UNC13C: variants seen among roughly 807,000 people sequenced by gnomAD.
UNC13C encodes unc-13 homolog C.
A neutral mutation model predicts 245.4 loss-of-function variants in UNC13C; 174 were observed. The ratio of observed to expected loss-of-function variants is 0.71; its 90% CI spans 0.63 to 0.80. The LOEUF (loss-of-function observed/expected upper bound fraction) is 0.80, where lower values mean the gene tolerates loss of function less well. Ranked by LOEUF, UNC13C falls within the 30% of genes least tolerant of loss-of-function variation. The pLI is 0.00. For synonymous variants in UNC13C, 992 were observed against 895.1 expected (o/e 1.11, Z -1.93); for missense variants, 2,829 against 2,602.9 (o/e 1.09, Z -1.89).
chr15:54,322,988 T>C (rs943331690), intron 14 of UNC13C, among the ~76,000 whole-genome samples: 2 of 141,606 alleles, frequency 1.4e-5, no homozygotes, highest in Non-Finnish European at 3.1e-5. Context: ...AGTAATCCTG[T>C]GAGACAGGTT....
chr15:54,126,599 A>G (rs2031057613), intron 2 of UNC13C, among the ~76,000 whole-genome samples: 1 of 152,200 alleles, frequency 6.6e-6, no homozygotes, highest in African/African-American at 2.4e-5. Flanking sequence ...CTAAAACCAT[A>G]AAAATCCTAG....
chr15:54,432,367 C>G (rs183447281), intron 19 of UNC13C, among the ~76,000 whole-genome samples: 2 of 151,600 alleles, frequency 1.3e-5, no homozygotes, highest in Admixed American at 1.3e-4. Flanking sequence ...ATTTTTGTGC[C>G]AAGATTTCAC....
At chr15:54,308,017 A>G (rs1414956900) in intron 13 of UNC13C, among the ~76,000 whole-genome samples, 1 of 151,936 alleles carries the variant, frequency 6.6e-6, no homozygotes, top group Non-Finnish European at 1.5e-5. Context: ...TTTGCATAGT[A>G]TCTCTGAAAT....
At chr15:54,032,292 C>T (rs1400989841) in intron 2 of UNC13C, among the ~76,000 whole-genome samples, 2 of 152,136 alleles carry the variant, frequency 1.3e-5, no homozygotes, top group Non-Finnish European at 2.9e-5. Flanking sequence ...ATTTTCATGT[C>T]AAGGTACGTC....
At chr15:54,501,167 A>G (rs765201011) in intron 22 of UNC13C, among the ~76,000 whole-genome samples, 189 bp downstream of exon 22, 1 of 152,118 alleles carries the variant, frequency 6.6e-6, no homozygotes, top group Non-Finnish European at 1.5e-5. Flanking sequence ...ATATGGATTT[A>G]TCATCTTAAA....
chr15:54,540,967 T>C (rs1227156450), intron 26 of UNC13C, among the ~76,000 whole-genome samples: 1 of 152,008 alleles, frequency 6.6e-6, no homozygotes, highest in East Asian at 1.9e-4. Context: ...GTGGATAGCC[T>C]TTGTTATTCT....
At chr15:54,579,704 A>G (rs1207634910) in intron 30 of UNC13C, among the ~76,000 whole-genome samples, 1 of 152,190 alleles carries the variant, frequency 6.6e-6, no homozygotes, top group Non-Finnish European at 1.5e-5. Flanking sequence ...GGTTGCAGTG[A>G]GCCGAGATCA....
At chr15:53,857,309 C>G in the UNC13C span, among the ~76,000 whole-genome samples, 1 of 151,950 alleles carries the variant, frequency 6.6e-6, no homozygotes, top group African/African-American at 2.4e-5. Flanking sequence ...TTTTCATAAC[C>G]CAAATTTTTA....
chr15:53,855,306 C>T, the UNC13C span, among the ~76,000 whole-genome samples: 1 of 152,120 alleles, frequency 6.6e-6, no homozygotes, highest in Non-Finnish European at 1.5e-5. Flanking sequence ...TGCCTGATTG[C>T]CCTGGCCAGA....
At chr15:54,149,538 A>G (rs1262228633) in intron 4 of UNC13C, among the ~76,000 whole-genome samples, 1 of 152,166 alleles carries the variant, frequency 6.6e-6, no homozygotes, top group East Asian at 1.9e-4. Flanking sequence ...TTTAGTCCTC[A>G]GTACCTTTTA....
At chr15:54,597,413 G>A (rs149944829) in intron 30 of UNC13C, among the ~76,000 whole-genome samples, 53 of 152,202 alleles carry the variant, frequency 3.5e-4, no homozygotes, top group African/African-American at 1.1e-3. Flanking sequence ...ATATTCCACC[G>A]AACCTACAGG....
intron 4 of UNC13C, among the ~76,000 whole-genome samples, chr15:54,185,237 G>A (rs1163023617): frequency 6.6e-6 from 1 of 151,950 alleles, no homozygotes; most frequent in Non-Finnish European, 1.5e-5. Flanking sequence ...TCACTCTGAT[G>A]GTGGTTTCTT....
chr15:53,963,356 A>G, the UNC13C span, among the ~76,000 whole-genome samples: 10 of 152,322 alleles, frequency 6.6e-5, no homozygotes, highest in African/African-American at 2.4e-4. Context: ...TGTCACAATG[A>G]AATTCATTAA....
At chr15:53,970,138 A>G in the UNC13C span, among the ~76,000 whole-genome samples, 5 of 151,658 alleles carry the variant, frequency 3.3e-5, no homozygotes, top group African/African-American at 1.2e-4. Context: ...CCTCACTCCA[A>G]CCTTTGCTCC....
intron 19 of UNC13C, among the ~76,000 whole-genome samples, chr15:54,490,408 G>A (rs1239313113): frequency 2.0e-5 from 3 of 152,184 alleles, no homozygotes; most frequent in Non-Finnish European, 4.4e-5. Flanking sequence ...GGGAACAACA[G>A]GAATGAAGAG....
chr15:54,332,142 A>G (rs1306752043), intron 15 of UNC13C, 31 bp downstream of exon 15: 2 of 1,443,840 alleles, frequency 1.4e-6, no homozygotes, highest in Admixed American at 2.4e-5. Context: ...CTAAAAGAAA[A>G]CTGTTGTTTG....
intron 4 of UNC13C, among the ~76,000 whole-genome samples, chr15:54,215,141 A>G (rs1174984646): frequency 6.6e-6 from 1 of 151,550 alleles, no homozygotes; most frequent in Non-Finnish European, 1.5e-5. Context: ...AACAATGTGT[A>G]AAGAAAATGA....
chr15:54,008,263 A>G (rs1228554366), intron 1 of UNC13C, among the ~76,000 whole-genome samples: 3 of 152,324 alleles, frequency 2.0e-5, no homozygotes. Context: ...GTTCGGAGTC[A>G]AGGCTGTGTT....
intron 29 of UNC13C, among the ~76,000 whole-genome samples, chr15:54,561,527 C>T (rs12437724): frequency 0.33 from 49,312 of 151,544 alleles, 8,410 homozygotes; most frequent in East Asian, 0.52. Flanking sequence ...GGAATTTCAC[C>T]AGGGAAAGGC....
Sources: allele counts gnomAD v4.1 joint callset (sites outside exome capture counted in the v4.1 genomes callset), GRCh38; gene constraint gnomAD v4.1.1; transcripts MANE v1.5; gene names NCBI Gene and HGNC (gene_info 2026-07-23, HGNC 2026-07-21).